VWC2: variants seen among roughly 807,000 people sequenced by gnomAD.
VWC2 encodes the protein brorin.
Under a neutral mutation model 29.8 loss-of-function variants are expected in VWC2, and 14 were observed. The observed-to-expected ratio is 0.47, with a 90% CI of 0.31 to 0.74. VWC2 has a LOEUF of 0.74. VWC2 is among the 30% of genes least tolerant of loss of function. VWC2 has a pLI of 0.05. For synonymous variants in VWC2, 213 were observed against 199.0 expected (o/e 1.07, Z -0.59); for missense variants, 457 against 459.8 (o/e 0.99, Z 0.05).
chr7:49,904,081 C>T (rs1366780229), intron 3 of VWC2, among the ~76,000 whole-genome samples: 2 of 152,146 alleles, frequency 1.3e-5, no homozygotes, highest in East Asian at 3.9e-4. Context: ...ATACACATGG[C>T]TGGCAGAGAA....
chr7:49,863,207 A>G (rs1395106527), intron 3 of VWC2, among the ~76,000 whole-genome samples: 4 of 152,196 alleles, frequency 2.6e-5, no homozygotes, highest in East Asian at 1.9e-4. Flanking sequence ...GTGTGTTTCT[A>G]GGAATTTGTC....
chr7:49,780,984 T>G (rs1788162581), intron 2 of VWC2, among the ~76,000 whole-genome samples: 1 of 152,226 alleles, frequency 6.6e-6, no homozygotes, highest in African/African-American at 2.4e-5. Context: ...TATGAGAAAG[T>G]GCCAGCAAAG....
At chr7:49,865,531 C>G (rs1424044868) in intron 3 of VWC2, among the ~76,000 whole-genome samples, 1 of 152,200 alleles carries the variant, frequency 6.6e-6, no homozygotes, top group East Asian at 1.9e-4. Flanking sequence ...TGGTTCCTCA[C>G]CTTCCCATAA....
At chr7:49,833,469 G>A (rs953465250) in intron 3 of VWC2, among the ~76,000 whole-genome samples, 3 of 152,162 alleles carry the variant, frequency 2.0e-5, no homozygotes, top group South Asian at 2.1e-4. Flanking sequence ...CAAGGAAGTG[G>A]GAGAACACCT....
chr7:49,906,807 A>G (rs1793121705), intron 3 of VWC2, among the ~76,000 whole-genome samples: 1 of 149,664 alleles, frequency 6.7e-6, no homozygotes, highest in African/African-American at 2.4e-5. Context: ...TGCCTCTAGG[A>G]TTGTGTGTTT....
chr7:49,823,885 T>G (rs1163342598), intron 3 of VWC2, among the ~76,000 whole-genome samples: 1 of 152,236 alleles, frequency 6.6e-6, no homozygotes, highest in Admixed American at 6.5e-5. Context: ...ATAGCCATTT[T>G]TATGTCCTAT....
chr7:49,836,650 A>G (rs1258627342), intron 3 of VWC2, among the ~76,000 whole-genome samples: 1 of 122,458 alleles, frequency 8.2e-6, no homozygotes, highest in Admixed American at 1.2e-4. Context: ...ATAAATAAAT[A>G]AATAAATAAA....
At chr7:49,850,403 G>GT (rs1790129054) in intron 3 of VWC2, 3 of 152,262 alleles carry the variant, frequency 2.0e-5, no homozygotes, top group South Asian at 4.1e-4. Flanking sequence ...CACATCCAGT[G>GT]TAAGAGGCCT....
intron 3 of VWC2, among the ~76,000 whole-genome samples, chr7:49,870,257 G>A (rs1345529728): frequency 6.6e-6 from 1 of 152,108 alleles, no homozygotes; most frequent in Non-Finnish European, 1.5e-5. Flanking sequence ...AAAATTAGCT[G>A]GGCATGGTGG....
intron 3 of VWC2, among the ~76,000 whole-genome samples, chr7:49,860,588 C>T (rs1025957340): frequency 1.3e-5 from 2 of 152,158 alleles, no homozygotes; most frequent in Non-Finnish European, 2.9e-5. Flanking sequence ...CTGTTTCAGC[C>T]CTTGCTTTCA....
At chr7:49,835,083 C>T (rs1445545101) in intron 3 of VWC2, among the ~76,000 whole-genome samples, 1 of 152,098 alleles carries the variant, frequency 6.6e-6, no homozygotes, top group Non-Finnish European at 1.5e-5. Flanking sequence ...CAAAGAGTGC[C>T]CTGATACAAA....
intron 1 of VWC2, among the ~76,000 whole-genome samples, chr7:49,774,329 A>AGGAG (rs1421910636): frequency 6.6e-6 from 1 of 151,986 alleles, no homozygotes; most frequent in African/African-American, 2.4e-5. Context: ...GCCCTCAGGG[A>AGGAG]GGAGGGCTGA....
intron 3 of VWC2, among the ~76,000 whole-genome samples, chr7:49,874,548 A>ATGTGTG (rs3062201): frequency 1.6e-4 from 24 of 147,762 alleles, no homozygotes; most frequent in Admixed American, 1.1e-3. Flanking sequence ...ATGACTATAT[A>ATGTGTG]TGTGTGTGTG....
At chr7:49,871,905 AT>A (rs1344487672) in intron 3 of VWC2, among the ~76,000 whole-genome samples, 1 of 88,642 alleles carries the variant, frequency 1.1e-5, no homozygotes, top group East Asian at 3.3e-4. Flanking sequence ...ATGTGTGTAT[AT>A]AAACACACAC....
intron 3 of VWC2, among the ~76,000 whole-genome samples, chr7:49,812,239 CAATT>C (rs1421749625): frequency 2.0e-5 from 3 of 152,130 alleles, no homozygotes; most frequent in South Asian, 2.1e-4. Flanking sequence ...GGTGGATACA[CAATT>C]AATTAAATTC....
intron 2 of VWC2, among the ~76,000 whole-genome samples, chr7:49,798,420 T>C (rs1290760213): frequency 6.6e-6 from 1 of 152,234 alleles, no homozygotes; most frequent in Non-Finnish European, 1.5e-5. Flanking sequence ...TAAAGCCTCA[T>C]GTCAAAGCTA....
At chr7:49,887,300 G>A (rs1481847562) in intron 3 of VWC2, among the ~76,000 whole-genome samples, 2 of 152,084 alleles carry the variant, frequency 1.3e-5, no homozygotes, top group Non-Finnish European at 2.9e-5. Context: ...TTTGACTTCA[G>A]GATATTCTGC....
intron 2 of VWC2, among the ~76,000 whole-genome samples, chr7:49,789,206 T>G (rs1283473158): frequency 4.1e-5 from 6 of 147,012 alleles, no homozygotes; most frequent in South Asian, 4.3e-4. Flanking sequence ...TGAGTGTGGG[T>G]GTGTGTGTGT....
At chr7:49,824,631 T>G (rs1469765813) in intron 3 of VWC2, among the ~76,000 whole-genome samples, 1 of 152,166 alleles carries the variant, frequency 6.6e-6, no homozygotes, top group Non-Finnish European at 1.5e-5. Flanking sequence ...AATTTACAGA[T>G]TAATTTTGGA....
Sources: allele counts gnomAD v4.1 joint callset (sites outside exome capture counted in the v4.1 genomes callset), GRCh38; gene constraint gnomAD v4.1.1; transcripts MANE v1.5; gene names NCBI Gene and HGNC (gene_info 2026-07-23, HGNC 2026-07-21).